The following TMC5 variants were observed in gnomAD, a reference collection of about 807,000 sequenced individuals.
TMC5 encodes transmembrane channel-like protein 5.
TMC5 carries 86 observed loss-of-function variants against 110.5 expected under a neutral mutation model. The ratio of observed to expected loss-of-function variants is 0.78; its 90% CI spans 0.65 to 0.93. The LOEUF (loss-of-function observed/expected upper bound fraction) is 0.93, where lower values mean the gene tolerates loss of function less well. TMC5 is among the 40% of genes least tolerant of loss of function. TMC5 has a pLI of 0.00. For synonymous variants in TMC5, 455 were observed against 439.5 expected (o/e 1.04, Z -0.44); for missense variants, 1,144 against 1,222.8 (o/e 0.94, Z 0.96).
chr16:19,475,507 T>A (rs1482617106), intron 12 of TMC5, among the ~76,000 whole-genome samples: 2 of 152,062 alleles, frequency 1.3e-5, no homozygotes, highest in East Asian at 3.9e-4. Flanking sequence ...TACCACGGTC[T>A]GTGAGATCCG....
intron 17 of TMC5, chr16:19,487,706 A>C (rs1468064740): frequency 7.4e-5 from 1 of 13,494 alleles, no homozygotes; most frequent in Non-Finnish European, 1.4e-4. Flanking sequence ...TGTCTCAATA[A>C]ATAAATAAAT....
Position 19,472,151 on chromosome 16 carries a change from T to C in TMC5, c.1846T>C (p.Phe616Leu). The C allele has an allele frequency of 6.2e-7, 1 of 1,614,204 alleles. No homozygotes were observed. Among genetic ancestry groups the C allele is most frequent in the East Asian group, 2.2e-5 (1 of 44,886 alleles). ...GACGTTCAATCAGCTGCTGACCCGC[T>C]TCTCTGCCTACATGGTAGCCTGGGT... ...KLTFNQLLTR[F>L]SAYMVAWVVS... Residue 616 changes from phenylalanine to leucine, a missense_variant, in exon 11 of 22, where the codon TTC becomes CTC. By Grantham distance (22) the Phe-to-Leu change is conservative (BLOSUM62 0). Transcript: ENST00000542583.
At chr16:19,412,786 G>A (rs1443277926) in intron 1 of TMC5, among the ~76,000 whole-genome samples, 2 of 152,172 alleles carry the variant, frequency 1.3e-5, no homozygotes, top group Admixed American at 1.3e-4. Flanking sequence ...ACAGGAGTGG[G>A]GGAATGGCAC....
chr16:19,438,998 C>A (rs970329721), intron 2 of TMC5, among the ~76,000 whole-genome samples: 2 of 152,156 alleles, frequency 1.3e-5, no homozygotes, highest in African/African-American at 2.4e-5. Context: ...GGTTCAGGAG[C>A]AATGGATTGG....
chr16:19,463,665 G>C (rs1968085224), intron 7 of TMC5, 111 bp from the exon 8 acceptor site: 1 of 1,303,868 alleles, frequency 7.7e-7, no homozygotes, highest in Non-Finnish European at 1.1e-6. Flanking sequence ...CATGGTGCCT[G>C]CACTTAACAA....
Position 19,444,139 on chromosome 16 carries a change from G to GT in TMC5, c.848dup (p.Ser285GlnfsTer7). ...ATTTCGTCACAGGAGTGATGACCCCGTGGGCAGTCTTTGGGGAGAGAATGA... is the reference window on the plus strand; with the variant it reads ...ATTTCGTCACAGGAGTGATGACCCCGTTGGGCAGTCTTTGGGGAGAGAATGA... On this transcript the variant is annotated frameshift_variant, in exon 4 of 22. Coordinates refer to ENST00000542583, the MANE Select transcript of TMC5 (RefSeq NM_001261841.2). LOFTEE classifies it high-confidence loss of function. 1 of 1,614,080 alleles carries GT rather than the reference G, an allele frequency of 6.2e-7. No homozygotes were observed. Among genetic ancestry groups the GT allele is most frequent in the East Asian group, 2.2e-5 (1 of 44,866 alleles).
chr16:19,463,671 A>C, intron 7 of TMC5, 105 bp from the exon 8 acceptor site: 2 of 1,389,658 alleles, frequency 1.4e-6, no homozygotes, highest in South Asian at 2.7e-5. Context: ...GCCTGCACTT[A>C]ACAATACTCC....
chr16:19,435,528 A>G (rs1323097639), intron 2 of TMC5, among the ~76,000 whole-genome samples: 1 of 152,008 alleles, frequency 6.6e-6, no homozygotes, highest in Non-Finnish European at 1.5e-5. Context: ...ATTTAGAAAT[A>G]TGTATTTACA....
intron 1 of TMC5, among the ~76,000 whole-genome samples, chr16:19,412,572 T>TAAAA (rs1966858452): frequency 6.6e-6 from 1 of 152,198 alleles, no homozygotes; most frequent in Non-Finnish European, 1.5e-5. Context: ...TTCATCATGT[T>TAAAA]GGCCAGGCTG....
intron 6 of TMC5, among the ~76,000 whole-genome samples, chr16:19,461,719 T>G (rs1165649759): frequency 1.3e-5 from 2 of 152,190 alleles, no homozygotes; most frequent in African/African-American, 4.8e-5. Flanking sequence ...TTTTTTTCTT[T>G]TTTTCAATTT....
chr16:19,469,728 C>A lies in TMC5; in HGVS notation c.1685C>A (p.Ser562Tyr). The change falls in exon 10 of 22, where the codon TCC becomes TAC. Residue 562 changes from serine to tyrosine, a missense_variant. By Grantham distance (144) the Ser-to-Tyr change is moderately radical. Coordinates refer to ENST00000542583, the MANE Select transcript of TMC5 (RefSeq NM_001261841.2). The stretch of plus-strand genomic sequence containing the variant: ...AACTTCATTAATCCCCACATTTACT[C>A]CGGAGGGATCACCAAGCTGATCTTT... ...RNNFINPHIY[S>Y]GGITKLIFCW... is the part of the protein sequence containing the mutation. 1 of 1,614,140 alleles carries A rather than the reference C, an allele frequency of 6.2e-7. No homozygotes were observed. The highest frequency in any genetic ancestry group is 8.5e-7 in the Non-Finnish European group (1 of 1,180,000).
chr16:19,489,587 G>T (rs957319599), intron 17 of TMC5, among the ~76,000 whole-genome samples: 4 of 151,358 alleles, frequency 2.6e-5, no homozygotes, highest in African/African-American at 9.7e-5. Flanking sequence ...ACCCGCCTCG[G>T]CCTCCCAAAG....
chr16:19,496,001 A>C lies in TMC5; in HGVS notation c.2932-1120A>C, dbSNP rs543893977. 1.3e-4 allele frequency among the ~76,000 whole-genome samples: 20 copies of C among 151,976 alleles called. 1 individual carries two copies. In the East Asian group the frequency reaches 3.9e-3, roughly 29 times the overall value. On this transcript the variant is annotated intron_variant, in intron 20 of 21. Coordinates refer to ENST00000542583, the MANE Select transcript of TMC5 (RefSeq NM_001261841.2). ...TATAAAAAACAAAAACAAACAAACA[A>C]GAAAACTTAGCTGGGTGTTGTGGTG...
At chr16:19,427,202 C>T (rs1967103380) in intron 1 of TMC5, among the ~76,000 whole-genome samples, 1 of 152,158 alleles carries the variant, frequency 6.6e-6, no homozygotes, top group African/African-American at 2.4e-5. Flanking sequence ...ACCTGTAATC[C>T]CAGCACTTTG....
chr16:19,492,343 C>T (rs1597220507), intron 19 of TMC5, 115 bp downstream of exon 19: 1 of 566,160 alleles, frequency 1.8e-6, no homozygotes, highest in East Asian at 3.0e-5. Context: ...GCTCTCAGCC[C>T]TAACAACCAT....
chr16:19,491,012 CTCTT>C (rs1366631749), intron 18 of TMC5, among the ~76,000 whole-genome samples: 3 of 116,954 alleles, frequency 2.6e-5, no homozygotes, highest in Admixed American at 1.1e-4. Context: ...CCTTACTTCT[CTCTT>C]TCTTTTTTGG....
intron 18 of TMC5, among the ~76,000 whole-genome samples, chr16:19,490,954 C>T (rs377363981): frequency 8.2e-4 from 105 of 127,726 alleles, no homozygotes; most frequent in Non-Finnish European, 1.5e-3. Context: ...CTTCCTTTCC[C>T]CTTCCCCTCC....
chr16:19,474,048 A>G, intron 11 of TMC5, 77 bp from the exon 12 acceptor site: 1 of 1,431,686 alleles, frequency 7.0e-7, no homozygotes. Flanking sequence ...GTTTTCTATC[A>G]TGGGAGACTT....
intron 6 of TMC5, among the ~76,000 whole-genome samples, chr16:19,462,897 CAA>C (rs530123989): frequency 4.3e-4 from 36 of 83,794 alleles, no homozygotes; most frequent in Admixed American, 7.0e-4. Context: ...GACGCCATCT[CAA>C]AAAAAAAAAA....
Sources: gnomAD v4.1 joint callset for allele counts (sites outside exome capture counted in the v4.1 genomes callset) on GRCh38, gnomAD v4.1.1 for gene constraint, MANE v1.5 for transcripts, NCBI Gene and HGNC (gene_info 2026-07-23, HGNC 2026-07-21) for gene names.